The following ZNF804B variants were observed in gnomAD, a reference collection of about 807,000 sequenced individuals.
The protein encoded by ZNF804B is zinc finger protein 804B, also known as zinc finger 804B.
A neutral mutation model predicts 101.4 loss-of-function variants in ZNF804B; 80 were observed. The ratio of observed to expected loss-of-function variants is 0.79; its 90% CI spans 0.66 to 0.95. The LOEUF (loss-of-function observed/expected upper bound fraction) is 0.95. Among genes scored for constraint, ZNF804B ranks in the 40% least tolerant of loss-of-function variants. ZNF804B has a pLI of 0.00. For missense variants in ZNF804B, 1,673 were observed against 1,561.9 expected (o/e 1.07, Z -1.20); for synonymous variants, 622 against 558.8 (o/e 1.11, Z -1.59).
chr7:89,167,234 G>A lies in ZNF804B; in HGVS notation c.109-50921G>A, dbSNP rs567150981. The stretch of plus-strand genomic sequence containing the variant: ...GTGGATCACCTGAGGTCAAGAGTTC[G>A]AGACCAGCCTGGCCAACATGGTGAA... On this transcript the variant is annotated intron_variant, in intron 1 of 3. Coordinates refer to ENST00000333190, the MANE Select transcript of ZNF804B (RefSeq NM_181646.5). Among the ~76,000 whole-genome samples, 258 of 151,390 alleles carry A rather than the reference G, an allele frequency of 1.7e-3. 1 individual carries two copies. The highest frequency in any genetic ancestry group is 5.9e-3 in the African/African-American group (241 of 41,196).
intron 1 of ZNF804B, among the ~76,000 whole-genome samples, chr7:88,888,861 G>A (rs1792173883): frequency 1.3e-5 from 2 of 152,048 alleles, no homozygotes; most frequent in South Asian, 4.1e-4. Flanking sequence ...ATTGCGTAAA[G>A]CTGAGGTTTG....
At chr7:89,008,265 T>A (rs1788399644) in intron 1 of ZNF804B, among the ~76,000 whole-genome samples, 1 of 152,152 alleles carries the variant, frequency 6.6e-6, no homozygotes, top group South Asian at 2.1e-4. Context: ...TTTCTATGTA[T>A]TTTTTCATTA....
chr7:88,909,487 T>C (rs1393748809), intron 1 of ZNF804B, among the ~76,000 whole-genome samples: 2 of 151,796 alleles, frequency 1.3e-5, no homozygotes, highest in African/African-American at 4.8e-5. Context: ...AAAATCTTCC[T>C]CTTTGTTTTT....
At chr7:88,989,273 A>G (rs903304683) in intron 1 of ZNF804B, among the ~76,000 whole-genome samples, 4 of 152,020 alleles carry the variant, frequency 2.6e-5, no homozygotes, top group Non-Finnish European at 5.9e-5. Flanking sequence ...TGGGATTATT[A>G]CCAGAGTTTT....
chr7:89,155,036 C>CA (rs1301867977), intron 1 of ZNF804B, among the ~76,000 whole-genome samples: 3 of 151,930 alleles, frequency 2.0e-5, no homozygotes, highest in Non-Finnish European at 4.4e-5. Flanking sequence ...ACTATGTACA[C>CA]AAAAAATTAA....
intron 2 of ZNF804B, among the ~76,000 whole-genome samples, chr7:89,287,789 T>C (rs550798211): frequency 6.6e-6 from 1 of 152,250 alleles, no homozygotes; most frequent in East Asian, 1.9e-4. Context: ...CACTGGGCAT[T>C]TATGTGCAAA....
At chr7:89,194,089 T>G (rs2115623807) in intron 1 of ZNF804B, among the ~76,000 whole-genome samples, 1 of 152,114 alleles carries the variant, frequency 6.6e-6, no homozygotes, top group South Asian at 2.1e-4. Flanking sequence ...TTTCATATGT[T>G]TTTTGGCTGC....
intron 2 of ZNF804B, among the ~76,000 whole-genome samples, chr7:89,309,923 A>G (rs374856262): frequency 1.6e-4 from 24 of 151,970 alleles, no homozygotes; most frequent in African/African-American, 5.5e-4. Context: ...CTCCTCACGG[A>G]CAAAACACAT....
intron 1 of ZNF804B, among the ~76,000 whole-genome samples, chr7:88,976,762 C>A (rs1793620079): frequency 6.6e-6 from 1 of 151,556 alleles, no homozygotes; most frequent in Non-Finnish European, 1.5e-5. Flanking sequence ...CTAGGGCTTC[C>A]AGTACTATAT....
intron 1 of ZNF804B, among the ~76,000 whole-genome samples, chr7:88,975,202 T>C (rs1429797883): frequency 6.6e-6 from 1 of 151,366 alleles, no homozygotes; most frequent in Non-Finnish European, 1.5e-5. Context: ...AGATTGCCTG[T>C]AAACTTTGGC....
intron 1 of ZNF804B, among the ~76,000 whole-genome samples, chr7:88,765,325 A>G (rs559660824): frequency 1.3e-5 from 2 of 152,296 alleles, no homozygotes; most frequent in East Asian, 3.9e-4. Flanking sequence ...GGTAGGCTAA[A>G]TGTGCATGAC....
At chr7:89,211,442 G>T (rs926426310) in intron 1 of ZNF804B, among the ~76,000 whole-genome samples, 2 of 152,040 alleles carry the variant, frequency 1.3e-5, no homozygotes, top group African/African-American at 4.8e-5. Context: ...CTTTGCCTGT[G>T]CCTGTGTCTT....
rs61040715 is a variant in ZNF804B at position 89,292,424 on chromosome 7, T to G, written c.250-34920T>G. On this transcript the variant is annotated intron_variant, in intron 2 of 3. Coordinates refer to ENST00000333190, the MANE Select transcript of ZNF804B (RefSeq NM_181646.5). The stretch of plus-strand genomic sequence containing the variant: ...AGGAGACAAAGTTAAGGTGTAGAAT[T>G]TTTATTAGTTTTCTTTTTGCTTGTT... 3.5e-3 allele frequency among the ~76,000 whole-genome samples: 536 copies of G among 152,244 alleles called. 5 individuals are homozygous for G. The highest frequency in any genetic ancestry group is 0.012 in the African/African-American group (513 of 41,576).
chr7:89,252,405 G>A (rs764171321), intron 2 of ZNF804B, among the ~76,000 whole-genome samples: 2 of 152,104 alleles, frequency 1.3e-5, no homozygotes, highest in Non-Finnish European at 2.9e-5. Context: ...TTGAGAGGCT[G>A]TGGAAAAAAG....
rs1792636160 is a variant in ZNF804B at position 88,916,639 on chromosome 7, T to C, written c.108+156555T>C. Among the ~76,000 whole-genome samples, 3 of 152,202 alleles carry C rather than the reference T, an allele frequency of 2.0e-5. No homozygotes were observed. The South Asian group carries it at 6.2e-4, about 31-fold the overall frequency. ...GAAATGTAGAAGAATGCTTATTTAA[T>C]ATATACAAGTTAGATTATATCAAAC... is the stretch of plus-strand genomic sequence containing the variant. On this transcript the variant is annotated intron_variant, in intron 1 of 3. Coordinates refer to ENST00000333190, the MANE Select transcript of ZNF804B (RefSeq NM_181646.5).
chr7:88,884,709 C>T (rs1231107632), intron 1 of ZNF804B, among the ~76,000 whole-genome samples: 2 of 151,600 alleles, frequency 1.3e-5, no homozygotes, highest in Non-Finnish European at 3.0e-5. Context: ...TATCATTTAC[C>T]TAGTAAATTG....
At chr7:89,008,413 A>G (rs1788401935) in intron 1 of ZNF804B, among the ~76,000 whole-genome samples, 1 of 152,182 alleles carries the variant, frequency 6.6e-6, no homozygotes, top group Non-Finnish European at 1.5e-5. Context: ...TGTTTTCTCC[A>G]CAGATACTAC....
At chr7:88,791,057 T>G (rs1362563354) in intron 1 of ZNF804B, among the ~76,000 whole-genome samples, 1 of 152,064 alleles carries the variant, frequency 6.6e-6, no homozygotes. Context: ...TGACAGCAGA[T>G]CTGTCTTTGA....
At chr7:89,300,184 A>G (rs1790452423) in intron 2 of ZNF804B, among the ~76,000 whole-genome samples, 1 of 151,550 alleles carries the variant, frequency 6.6e-6, no homozygotes, top group Admixed American at 6.6e-5. Context: ...TTCTCATACC[A>G]CTGTATAGTT....
Sources: allele counts gnomAD v4.1 joint callset (sites outside exome capture counted in the v4.1 genomes callset), GRCh38; gene constraint gnomAD v4.1.1; transcripts MANE v1.5; gene names NCBI Gene and HGNC (gene_info 2026-07-23, HGNC 2026-07-21).